The following DNHD1 variants were observed in gnomAD, a reference collection of about 807,000 sequenced individuals.
DNHD1 encodes dynein heavy chain domain-containing protein 1.
In DNHD1, 383 loss-of-function variants were observed where a neutral mutation model predicts 458.1. The ratio of observed to expected loss-of-function variants is 0.84; its 90% confidence interval spans 0.77 to 0.91. DNHD1 has a LOEUF of 0.91. DNHD1 is among the 40% of genes least tolerant of loss of function. The pLI is 0.00. For synonymous variants in DNHD1, 2,203 were observed against 2,376.9 expected (o/e 0.93, Z 2.13); for missense variants, 5,336 against 5,866.1 (o/e 0.91, Z 2.95).
At chr11:6,517,649 CTTCTTTTTTTTTTTTTTTT>C (rs1191522053) in intron 7 of DNHD1, among the ~76,000 whole-genome samples, 3 of 85,614 alleles carry the variant, frequency 3.5e-5, no homozygotes, top group Admixed American at 1.7e-4. Flanking sequence ...TGATCTAGGA[CTTCTTTTTTTTTTTTTTTT>C]TTTTTTTTTT....
intron 7 of DNHD1, among the ~76,000 whole-genome samples, chr11:6,514,009 A>G (rs962767107): frequency 5.1e-4 from 77 of 151,968 alleles, no homozygotes; most frequent in African/African-American, 1.7e-3. Context: ...ACGCCCGACT[A>G]ATTTTTTTTT....
intron 24 of DNHD1, among the ~76,000 whole-genome samples, chr11:6,551,685 G>C (rs1051582200): frequency 2.6e-5 from 4 of 152,208 alleles, no homozygotes; most frequent in Non-Finnish European, 5.9e-5. Context: ...GCTCACGCCT[G>C]TAATCCCGGC....
chr11:6,571,696 G>A lies in DNHD1; in HGVS notation c.13972G>A (p.Val4658Ile), dbSNP rs926405672. ...ERGLLLIGLQ[V>I]LHAEWDPIAG... Reference sequence around the variant, plus strand: ...AGGGCTGCTGCTGATCGGGCTACAGGTCCTACATGCGGAGTGGGACCCAAT... The same window carrying A: ...AGGGCTGCTGCTGATCGGGCTACAGATCCTACATGCGGAGTGGGACCCAAT... The change falls in exon 43 of 43, where the codon GTC becomes ATC. Residue 4658 changes from valine to isoleucine, a missense_variant. This residue lies in a region of DNHD1 where 698 missense variants were observed against 664.9 expected (regional missense o/e 1.05). Coordinates refer to ENST00000254579, the MANE Select transcript of DNHD1 (RefSeq NM_144666.3). This position sits in a 1 kb window ranked among gnomAD's most constrained non-coding sequence, Gnocchi z 5.0. The A allele has an allele frequency of 1.5e-5, 24 of 1,611,762 alleles. No homozygotes were observed. Among genetic ancestry groups the A allele is most frequent in the Non-Finnish European group, 2.0e-5 (24 of 1,179,014 alleles).
chr11:6,568,091 T>G lies in DNHD1; in HGVS notation c.12387T>G (p.Ser4129=), dbSNP rs774691513. ...AACTGCAGGTGATAGCCCTGGGCTC[T>G]GAAGCCTGGGACCCAGTCTCAGTTG... ...QKQLQVIALG[S]EAWDPVSVVV... The change falls in exon 37 of 43, where the codon TCT becomes TCG. Residue 4129 remains serine, a synonymous_variant. Coordinates refer to ENST00000254579, the MANE Select transcript of DNHD1 (RefSeq NM_144666.3). 9.5e-6 allele frequency: 15 copies of G among 1,576,456 alleles called. No homozygotes were observed. The highest frequency in any genetic ancestry group is 1.3e-5 in the Non-Finnish European group (15 of 1,160,172).
chr11:6,569,937 T>G lies in DNHD1; in HGVS notation c.12864-72T>G. 5 of 1,363,356 alleles carry G rather than the reference T, an allele frequency of 3.7e-6. No homozygotes were observed. The East Asian group carries it at 1.2e-4, about 31-fold the overall frequency. The allele number at this position is 1,363,356 out of a possible 1,614,324, so 84.5% of individuals were successfully genotyped here. On this transcript the variant is annotated intron_variant, in intron 39 of 42. Coordinates refer to ENST00000254579, the MANE Select transcript of DNHD1 (RefSeq NM_144666.3). ...CGAAGCTCAGGAGAGAGGTTTGAAC[T>G]GAAGACAAGACTTGACAGTCCTCAG...
chr11:6,547,127 G>A lies in DNHD1; in HGVS notation c.6188G>A (p.Gly2063Asp). 6.4e-7 allele frequency: 1 copy of A among 1,551,748 alleles called. No homozygotes were observed. The highest frequency in any genetic ancestry group is 8.7e-7 in the Non-Finnish European group (1 of 1,147,006). The change falls in exon 21 of 43, where the codon GGT (glycine) becomes GAT (aspartate). Residue 2063 changes from glycine (G) to aspartate (D), a missense_variant. By Grantham distance (94) the Gly-to-Asp change is moderately conservative (BLOSUM62 -1). Transcript: ENST00000254579. ...GIFPKVLRAA[G>D]QCNNMGQKRQ... ...TTTCCCAAGGTACTTCGTGCAGCCG[G>A]TCAGTGTAACAACATGGGCCAAAAG...
chr11:6,511,301 T>C lies in DNHD1; in HGVS notation c.1264T>C (p.Trp422Arg), dbSNP rs765377838. The C allele has an allele frequency of 3.7e-6, 6 of 1,614,252 alleles. No homozygotes were observed. The highest frequency in any genetic ancestry group is 5.1e-6 in the Non-Finnish European group (6 of 1,180,032). The change falls in exon 7 of 43, where the codon TGG (tryptophan) becomes CGG (arginine). Residue 422 changes from tryptophan to arginine, a missense_variant. Trp to Arg is a moderately radical substitution (Grantham distance 101). Coordinates refer to ENST00000254579, the MANE Select transcript of DNHD1 (RefSeq NM_144666.3). ...TCTGCAGGAGCTACACTCTGTGTCC[T>C]GGCTACCCCAGGAACTGGATCGGTG... ...RLLQELHSVS[W>R]LPQELDRCYE...
Position 6,570,875 on chromosome 11 carries a change from G to C in DNHD1, c.13363G>C (p.Asp4455His), listed in dbSNP as rs770484598. The C allele has an allele frequency of 6.2e-7, 1 of 1,613,918 alleles. No homozygotes were observed. Among genetic ancestry groups the C allele is most frequent in the African/African-American group, 1.3e-5 (1 of 74,958 alleles). Residue 4455 changes from aspartate to histidine, a missense_variant, in exon 42 of 43, where the codon GAT (aspartate) becomes CAT (histidine). By Grantham distance (81) the Asp-to-His change is moderately conservative. This residue lies in a region of DNHD1 where 698 missense variants were observed against 664.9 expected (regional missense o/e 1.05). Coordinates refer to ENST00000254579, the MANE Select transcript of DNHD1 (RefSeq NM_144666.3). Reference protein sequence around the residue: ...QVNRRLESLQDLLTHVIRQDE... With the variant: ...QVNRRLESLQHLLTHVIRQDE... ...CAACCGGAGGCTGGAGTCACTGCAG[G>C]ATCTGCTGACCCACGTGATTCGCCA...
chr11:6,548,106 AC>A lies in DNHD1; in HGVS notation c.6905+69del. 2 of 1,547,818 alleles carry A rather than the reference AC, an allele frequency of 1.3e-6. No individual in the cohort carries two copies. The highest frequency in any genetic ancestry group is 1.7e-6 in the Non-Finnish European group (2 of 1,143,688). ...GATGGACTGGCCCATGGAAGTAAAA[AC>A]CCACATGACATCACTGTTAGGGTAT... On this transcript the variant is annotated intron_variant, in intron 22 of 42. Transcript: ENST00000254579. This position sits in a 1 kb window ranked among gnomAD's most constrained non-coding sequence, Gnocchi z 4.4.
chr11:6,498,871 C>G lies in DNHD1; in HGVS notation c.656C>G (p.Pro219Arg). 1 of 1,614,230 alleles carries G rather than the reference C, an allele frequency of 6.2e-7. No individual in the cohort carries two copies. Among genetic ancestry groups the G allele is most frequent in the Non-Finnish European group, 8.5e-7 (1 of 1,180,046 alleles). Residue 219 changes from proline (P) to arginine (R), a missense_variant, in exon 3 of 43, where the codon CCC becomes CGC. Physicochemically the swap from Pro to Arg is moderately radical, Grantham distance 103. Around this residue, in one of 4 missense-constraint regions of DNHD1, gnomAD observed 3,932 missense variants for 4,365.6 expected, o/e 0.90. Transcript: ENST00000254579. ...AVWLDGLSLL[P>R]LALAADIPVR... The stretch of plus-strand genomic sequence containing the variant: ...TGGCTGGATGGACTTAGTCTCCTTC[C>G]CTTGGCACTGGCAGCGGACATCCCT...
rs189772244 is a variant in DNHD1, at chr11:6,544,980, C to A, written c.4041C>A (p.Ser1347Arg). The change falls in exon 21 of 43, where the codon AGC becomes AGA. Residue 1347 changes from serine to arginine, a missense_variant. Transcript: ENST00000254579. Reference sequence around the variant, plus strand: ...AGGGCATCATCATGAGTCTGGAGAGCGTGCTCTATGGGGTGTGTGCTCACT... The same window carrying A: ...AGGGCATCATCATGAGTCTGGAGAGAGTGCTCTATGGGGTGTGTGCTCACT... ...ELEGIIMSLE[S>R]VLYGVCAHFP... The A allele has an allele frequency of 1.0e-3, 1,571 of 1,551,718 alleles. 3 individuals are homozygous for A. The highest frequency in any genetic ancestry group is 1.0e-3 in the Non-Finnish European group (1,202 of 1,146,982).
Position 6,571,984 on chromosome 11 carries a change from T to G in DNHD1, c.14260T>G (p.Ter4754GlyextTer6). The G allele has an allele frequency of 6.3e-7, 1 of 1,596,090 alleles. No individual in the cohort carries two copies. The highest frequency in any genetic ancestry group is 2.2e-5 in the East Asian group (1 of 44,552). The change falls in exon 43 of 43, where the codon TGA (stop) becomes GGA (glycine). Residue 4754 changes from the stop codon to glycine (G), a stop_lost. Coordinates refer to ENST00000254579, the MANE Select transcript of DNHD1 (RefSeq NM_144666.3). The surrounding 1 kb of genome is among the most constrained non-coding windows in gnomAD (Gnocchi z 5.0). ...RVHVCSPPLS[*>G] ...CCATGTGTGCAGCCCACCCCTGTCT[T>G]GAGCCCGTCTACCAAAATAAAGTTG...
chr11:6,544,156 C>T lies in DNHD1; in HGVS notation c.3664C>T (p.Leu1222Phe). Residue 1222 changes from leucine (L) to phenylalanine (F), a missense_variant, in exon 19 of 43, where the codon CTT becomes TTT. Physicochemically the swap from Leu to Phe is conservative, Grantham distance 22 (BLOSUM62 0). This residue lies in a region of DNHD1 where 3,932 missense variants were observed against 4,365.6 expected (regional missense o/e 0.90). Transcript: ENST00000254579. ...SNLQDSIQES[L>F]QVLSKILAIE... ...CCTGCAGGATTCCATCCAGGAAAGTCTTCAGGTGTTGTCCAAGATCTTGGC... is the reference window on the plus strand; with the variant it reads ...CCTGCAGGATTCCATCCAGGAAAGTTTTCAGGTGTTGTCCAAGATCTTGGC... 2 of 1,551,584 alleles carry T rather than the reference C, an allele frequency of 1.3e-6. No individual in the cohort carries two copies. The highest frequency in any genetic ancestry group is 2.0e-5 in the Admixed American group (1 of 50,986).
At position 6,529,069 on chromosome 11, in the gene DNHD1, C is replaced by G; in HGVS notation, c.2295C>G (p.Leu765=). The G allele has an allele frequency of 6.4e-7, 1 of 1,550,756 alleles. No homozygotes were observed. The highest frequency in any genetic ancestry group is 1.2e-5 in the South Asian group (1 of 84,014). The part of the protein sequence containing the change: ...ARVSSMPIEL[L]TKGGLLLLSC... ...TCTCCAGTATGCCTATCGAGTTGCT[C>G]ACAAAAGGCGGGTTGCTGCTACTTA... Residue 765 remains leucine, a synonymous_variant, in exon 12 of 43, where the codon CTC becomes CTG. Coordinates refer to ENST00000254579, the MANE Select transcript of DNHD1 (RefSeq NM_144666.3).
chr11:6,562,850 G>T, intron 28 of DNHD1, 132 bp from the exon 29 acceptor site: 1 of 1,010,494 alleles, frequency 9.9e-7, no homozygotes. Context: ...CTCTCTCTGT[G>T]GCCTACTTGG....
chr11:6,512,423 T>A (rs181739476), intron 7 of DNHD1, among the ~76,000 whole-genome samples: 2 of 151,562 alleles, frequency 1.3e-5, no homozygotes, highest in African/African-American at 2.4e-5. Flanking sequence ...GGGGTTTCAC[T>A]GTGTTAGCCA....
intron 7 of DNHD1, among the ~76,000 whole-genome samples, chr11:6,514,690 TC>T (rs1852421003): frequency 1.3e-5 from 2 of 152,148 alleles, no homozygotes; most frequent in Non-Finnish European, 2.9e-5. Flanking sequence ...TTTTCCCATT[TC>T]CTTTATCATT....
At chr11:6,549,169 C>T in intron 24 of DNHD1, 1 of 565,910 alleles carries the variant, frequency 1.8e-6, no homozygotes, top group African/African-American at 1.9e-5. Flanking sequence ...AGCACCAGAT[C>T]TGTCTATCCA....
chr11:6,531,500 C>G (rs1852827584), intron 12 of DNHD1, among the ~76,000 whole-genome samples: 2 of 151,494 alleles, frequency 1.3e-5, no homozygotes, highest in Admixed American at 1.3e-4. Context: ...CTGCCTGTTG[C>G]TACTGGTCCA....
Sources: allele counts gnomAD v4.1 joint callset (sites outside exome capture counted in the v4.1 genomes callset), GRCh38; gene constraint gnomAD v4.1.1; regional missense constraint gnomAD v4.1.1; non-coding constraint Gnocchi (gnomAD v3.1); transcripts MANE v1.5; gene names NCBI Gene and HGNC (gene_info 2026-07-23, HGNC 2026-07-21).